LMNA: variants seen among roughly 807,000 people sequenced by gnomAD.
LMNA encodes the protein lamin A/C.
Under a neutral mutation model 70.4 loss-of-function variants are expected in LMNA, and 20 were observed. The observed-to-expected ratio is 0.28, with a 90% CI of 0.20 to 0.41. The LOEUF (loss-of-function observed/expected upper bound fraction) is 0.41, where lower values mean the gene tolerates loss of function less well. Ranked by LOEUF, LMNA falls within the 10% of genes least tolerant of loss-of-function variation. The pLI, the probability that LMNA is intolerant of heterozygous loss-of-function variation, is 1.00. For synonymous variants in LMNA, 339 were observed against 372.8 expected (o/e 0.91, Z 1.04); for missense variants, 652 against 917.2 (o/e 0.71, Z 3.73).
intron 3 of LMNA, among the ~76,000 whole-genome samples, chr1:156,102,465 T>C (rs1208063792): frequency 6.6e-6 from 1 of 152,174 alleles, no homozygotes; most frequent in Non-Finnish European, 1.5e-5. Context: ...GGCTCATTCT[T>C]GTCCTAAAAC....
chr1:156,091,114 AATC>A (rs1648681137), intron 3 of LMNA: 1 of 152,234 alleles, frequency 6.6e-6, no homozygotes, highest in Non-Finnish European at 1.5e-5. Flanking sequence ...GAGACCTGGG[AATC>A]CCCGTGGGTC....
intron 2 of LMNA, among the ~76,000 whole-genome samples, chr1:156,131,778 G>A (rs901059151): frequency 2.6e-5 from 4 of 152,284 alleles, no homozygotes; most frequent in East Asian, 1.9e-4. Context: ...CATCAGAAGC[G>A]GATGGCTAAT....
chr1:156,136,454 G>A lies in LMNA; in HGVS notation c.1380+18G>A, dbSNP rs777846700. 3.2e-6 allele frequency: 5 copies of A among 1,553,538 alleles called. No homozygotes were observed. In the African/African-American group the frequency reaches 6.8e-5, roughly 21 times the overall value. The stretch of plus-strand genomic sequence containing the variant: ...CCAATGAGGTAGGCTCCTGCTCAGG[G>A]TCTAAGGGGATACAGCTGCATCAGG... On this transcript the variant is annotated intron_variant, in intron 7 of 11. Transcript: ENST00000368300. The surrounding 1 kb of genome is among the most constrained non-coding windows in gnomAD (Gnocchi z 6.1).
At chr1:156,125,503 C>T (rs865845302) in intron 1 of LMNA, among the ~76,000 whole-genome samples, 1 of 152,016 alleles carries the variant, frequency 6.6e-6, no homozygotes, top group African/African-American at 2.4e-5. Context: ...GCCTGGCCAA[C>T]ATGGCGAAAC....
rs1649222965 is a variant in LMNA at position 156,103,810 on chromosome 1, C to T, written c.-206-10903C>T. 6.6e-6 allele frequency among the ~76,000 whole-genome samples: 1 copy of T among 152,140 alleles called. No homozygotes were observed. The highest frequency in any genetic ancestry group is 6.5e-5 in the Admixed American group (1 of 15,278). ...CTCCCTGCTCTTTATCCCTCAACGC[C>T]CTCCCCTGCCCAAGGACCAGAGTAG... is the stretch of plus-strand genomic sequence containing the variant. On this transcript the variant is annotated intron_variant, in intron 3 of 12. Coordinates refer to the LMNA transcript ENST00000368301. The surrounding 1 kb of genome is among the most constrained non-coding windows in gnomAD (Gnocchi z 4.7).
chr1:156,139,738 C>T lies in LMNA; in HGVS notation c.*632C>T. On this transcript the variant is annotated 3_prime_UTR_variant, in exon 12 of 12. Coordinates refer to ENST00000368300, the MANE Select transcript of LMNA (RefSeq NM_170707.4). Reference sequence around the variant, plus strand: ...GGGGTGAGTCCATTCTCCCAGGTACCAGCTGCGCTTGCTTTTCTGTATTTT... The same window carrying T: ...GGGGTGAGTCCATTCTCCCAGGTACTAGCTGCGCTTGCTTTTCTGTATTTT... 1 of 1,533,262 alleles carries T rather than the reference C, an allele frequency of 6.5e-7. No individual in the cohort carries two copies. The highest frequency in any genetic ancestry group is 8.7e-7 in the Non-Finnish European group (1 of 1,146,246). 95.0% of individuals were successfully genotyped at this position (1,533,262 alleles called of 1,614,324 possible).
intron 3 of LMNA, among the ~76,000 whole-genome samples, chr1:156,101,892 G>A (rs949154414): frequency 2.0e-5 from 3 of 152,084 alleles, no homozygotes; most frequent in Non-Finnish European, 4.4e-5. Flanking sequence ...AGGAGAGGCT[G>A]AGGAAGGAGG....
At chr1:156,123,264 G>C (rs1252692104) in intron 1 of LMNA, 1 of 152,238 alleles carries the variant, frequency 6.6e-6, no homozygotes, top group African/African-American at 2.4e-5. Context: ...GGGCAGTTGA[G>C]AAGGAGGCTA....
exon 1 of LMNA, chr1:156,082,581 C>T (rs974351913): frequency 6.6e-6 from 1 of 152,110 alleles, no homozygotes; most frequent in African/African-American, 2.4e-5. Flanking sequence ...GGGACAAATT[C>T]CTTGACCCGA....
chr1:156,127,831 C>T (rs73004999), intron 1 of LMNA, among the ~76,000 whole-genome samples: 1 of 151,992 alleles, frequency 6.6e-6, no homozygotes, highest in Non-Finnish European at 1.5e-5. Context: ...GGACTATGGA[C>T]GTGCACCACC....
chr1:156,089,601 A>AAAAGAAAGAAAG (rs71080746), intron 2 of LMNA, among the ~76,000 whole-genome samples: 4 of 145,514 alleles, frequency 2.7e-5, no homozygotes, highest in South Asian at 2.2e-4. Context: ...CTAAAAAAAA[A>AAAAGAAAGAAAG]AAAGAAAGAA....
intron 3 of LMNA, among the ~76,000 whole-genome samples, chr1:156,100,771 G>A (rs1388314000): frequency 1.3e-5 from 2 of 152,172 alleles, no homozygotes; most frequent in African/African-American, 4.8e-5. Flanking sequence ...AGAACCTTTT[G>A]TGCACCAGGC....
At chr1:156,091,597 C>T (rs185203590) in intron 3 of LMNA, among the ~76,000 whole-genome samples, 6 of 152,078 alleles carry the variant, frequency 3.9e-5, no homozygotes, top group East Asian at 1.9e-4. Flanking sequence ...AGCAAAACTC[C>T]GTCTCAAAAA....
intron 3 of LMNA, among the ~76,000 whole-genome samples, chr1:156,099,703 G>A (rs1409000439): frequency 2.0e-5 from 3 of 151,718 alleles, no homozygotes; most frequent in South Asian, 2.1e-4. Context: ...CCAACATGGC[G>A]AAAACCCTAC....
At position 156,135,507 on chromosome 1, in the gene LMNA, T is replaced by TA; in HGVS notation, c.936+196dup. 1.4e-6 allele frequency: 1 copy of TA among 695,140 alleles called. No homozygotes were observed. Among genetic ancestry groups the TA allele is most frequent in the East Asian group, 2.8e-5 (1 of 36,302 alleles). 43.1% of individuals were successfully genotyped at this position (695,140 alleles called of 1,614,324 possible). On this transcript the variant is annotated intron_variant, in intron 5 of 11. Transcript: ENST00000368300. The surrounding 1 kb of genome is among the most constrained non-coding windows in gnomAD (Gnocchi z 4.8). ...CCTGTGTGCTGTTTCTGTACACTCT[T>TA]ACCTCACCTTCACTTCTCAGGGCTT...
chr1:156,116,046 G>T (rs917354622), intron 1 of LMNA, among the ~76,000 whole-genome samples: 3 of 152,222 alleles, frequency 2.0e-5, no homozygotes, highest in Non-Finnish European at 4.4e-5. Flanking sequence ...GGGAGGGAGG[G>T]AGGCAGAGGG....
chr1:156,130,983 T>C (rs1261990089), intron 2 of LMNA, among the ~76,000 whole-genome samples: 2 of 152,162 alleles, frequency 1.3e-5, no homozygotes, highest in Non-Finnish European at 2.9e-5. Context: ...TTTAAAATAA[T>C]CCAGGAGGCC....
chr1:156,093,216 G>T (rs541237698), intron 3 of LMNA, among the ~76,000 whole-genome samples: 2 of 150,976 alleles, frequency 1.3e-5, no homozygotes, highest in East Asian at 2.0e-4. Context: ...CAGGGCTTTG[G>T]CCTGTGCTAT....
intron 2 of LMNA, among the ~76,000 whole-genome samples, chr1:156,086,547 G>A (rs1227361912): frequency 6.6e-6 from 1 of 152,228 alleles, no homozygotes; most frequent in Non-Finnish European, 1.5e-5. Context: ...GTGACACAGT[G>A]GAGAGTCCAG....
Sources: gnomAD v4.1 joint callset for allele counts (sites outside exome capture counted in the v4.1 genomes callset) on GRCh38, gnomAD v4.1.1 for gene constraint, Gnocchi (gnomAD v3.1) non-coding constraint, MANE v1.5 for transcripts, NCBI Gene and HGNC (gene_info 2026-07-23, HGNC 2026-07-21) for gene names.